The following PARD3B variants were observed in gnomAD, a reference collection of about 807,000 sequenced individuals.
PARD3B encodes par-3 family cell polarity regulator beta, also known as partitioning defective 3 homolog B.
In PARD3B, 103 loss-of-function variants were observed where a neutral mutation model predicts 130.2. That is an observed-to-expected ratio of 0.79 (90% CI 0.67 to 0.93). The LOEUF (loss-of-function observed/expected upper bound fraction) is 0.93, where lower values mean the gene tolerates loss of function less well. PARD3B is among the 40% of genes least tolerant of loss of function. The pLI is 0.00. For missense variants in PARD3B, 1,609 were observed against 1,499.2 expected (o/e 1.07, Z -1.21); for synonymous variants, 583 against 553.2 (o/e 1.05, Z -0.76).
At chr2:204,872,216 G>T (rs2045655031) in intron 2 of PARD3B, among the ~76,000 whole-genome samples, 2 of 151,724 alleles carry the variant, frequency 1.3e-5, no homozygotes, top group African/African-American at 4.8e-5. Context: ...ATTGTTTTAG[G>T]ACTTATCTGC....
chr2:204,792,633 C>T (rs1313450030), intron 2 of PARD3B, among the ~76,000 whole-genome samples: 1 of 152,062 alleles, frequency 6.6e-6, no homozygotes, highest in Admixed American at 6.6e-5. Context: ...GTCCATTCTT[C>T]AGATTTCAAC....
intron 4 of PARD3B, among the ~76,000 whole-genome samples, chr2:205,075,407 A>T (rs1700981708): frequency 2.0e-5 from 3 of 152,102 alleles, no homozygotes; most frequent in Admixed American, 6.5e-5. Context: ...CCCGTATGAA[A>T]ATTATGTTTA....
At chr2:205,114,125 A>T (rs1421974506) in intron 6 of PARD3B, among the ~76,000 whole-genome samples, 1 of 152,144 alleles carries the variant, frequency 6.6e-6, no homozygotes, top group Non-Finnish European at 1.5e-5. Flanking sequence ...ATAATTTACC[A>T]CATCCTTTTG....
chr2:204,700,377 A>T (rs913052631), intron 2 of PARD3B, among the ~76,000 whole-genome samples: 4 of 152,122 alleles, frequency 2.6e-5, no homozygotes. Context: ...AATTTTGTAC[A>T]GTGAAAATAA....
chr2:204,587,264 G>A (rs73057286), intron 1 of PARD3B, among the ~76,000 whole-genome samples: 15,631 of 152,132 alleles, frequency 0.1, 906 homozygotes, highest in South Asian at 0.21. Flanking sequence ...TTTACAGGAC[G>A]TAAGAAAGAT....
chr2:205,133,719 G>T (rs2032224656), intron 10 of PARD3B, among the ~76,000 whole-genome samples: 1 of 152,118 alleles, frequency 6.6e-6, no homozygotes, highest in Admixed American at 6.5e-5. Flanking sequence ...CCCTCATTTT[G>T]GCAAAGGGCC....
At chr2:205,477,461 T>A (rs143932040) in intron 20 of PARD3B, among the ~76,000 whole-genome samples, 3 of 152,284 alleles carry the variant, frequency 2.0e-5, no homozygotes, top group Non-Finnish European at 4.4e-5. Flanking sequence ...AGTGTGCAGT[T>A]GTGGAATATG....
chr2:205,427,801 A>C (rs1426018624), intron 19 of PARD3B, among the ~76,000 whole-genome samples: 3 of 152,226 alleles, frequency 2.0e-5, no homozygotes, highest in Non-Finnish European at 4.4e-5. Flanking sequence ...TTGGTTGCAT[A>C]GCCATTCAGG....
At chr2:204,953,416 CACACAGAGAGAGAGAGAG>C (rs986840230) in intron 2 of PARD3B, among the ~76,000 whole-genome samples, 4 of 100,912 alleles carry the variant, frequency 4.0e-5, no homozygotes, top group African/African-American at 1.8e-4. Context: ...AACATACACA[CACACAGAGAGAGAGAGAG>C]AGAGAGAGAG....
intron 20 of PARD3B, among the ~76,000 whole-genome samples, chr2:205,447,685 A>G (rs992352898): frequency 6.6e-6 from 1 of 152,172 alleles, no homozygotes; most frequent in Non-Finnish European, 1.5e-5. Flanking sequence ...CTGATTTAAC[A>G]GTATCTTAAA....
intron 2 of PARD3B, among the ~76,000 whole-genome samples, chr2:204,923,428 G>C (rs1012958459): frequency 6.6e-6 from 1 of 151,832 alleles, no homozygotes; most frequent in Non-Finnish European, 1.5e-5. Flanking sequence ...AAAATAAATT[G>C]CATTAATAGC....
At chr2:205,417,341 T>A (rs1248773180) in intron 19 of PARD3B, among the ~76,000 whole-genome samples, 1 of 152,178 alleles carries the variant, frequency 6.6e-6, no homozygotes, top group East Asian at 1.9e-4. Context: ...GATGGACATT[T>A]GGGTTGGTTC....
intron 22 of PARD3B, among the ~76,000 whole-genome samples, chr2:205,561,133 C>A (rs1487302021): frequency 6.6e-6 from 1 of 152,096 alleles, no homozygotes; most frequent in African/African-American, 2.4e-5. Context: ...CCTCAACATC[C>A]TTTTCTGTCA....
chr2:204,693,221 T>G (rs1017544390), intron 2 of PARD3B, among the ~76,000 whole-genome samples: 1 of 152,064 alleles, frequency 6.6e-6, no homozygotes, highest in Non-Finnish European at 1.5e-5. Context: ...TATGTTTGTT[T>G]TTGTCTTTGA....
rs768825827 is a variant in PARD3B at position 205,158,574 on chromosome 2, C to A, written c.1435-148C>A. 9.2e-5 allele frequency: 71 copies of A among 769,272 alleles called. No homozygotes were observed. The highest frequency in any genetic ancestry group is 1.4e-4 in the Non-Finnish European group (65 of 477,112). 47.7% of individuals were successfully genotyped at this position (769,272 alleles called of 1,614,324 possible). A position where few individuals can be genotyped will look rare whatever the true frequency, so the allele number is the denominator to read the frequency against. On this transcript the variant is annotated intron_variant, in intron 10 of 22. Coordinates refer to ENST00000406610, the MANE Select transcript of PARD3B (RefSeq NM_001302769.2). The surrounding 1 kb of genome is among the most constrained non-coding windows in gnomAD (Gnocchi z 5.4). Reference sequence around the variant, plus strand: ...TGTGGCTCCTTGTGGAGAGCTAAACCCAGCCTTTGCCTGCCAGGAGCCGAT... The same window carrying A: ...TGTGGCTCCTTGTGGAGAGCTAAACACAGCCTTTGCCTGCCAGGAGCCGAT...
intron 15 of PARD3B, among the ~76,000 whole-genome samples, chr2:205,237,420 A>G (rs984848458): frequency 6.6e-6 from 1 of 152,016 alleles, no homozygotes; most frequent in Non-Finnish European, 1.5e-5. Flanking sequence ...CCTTACACAT[A>G]TTGGTATTTT....
chr2:204,709,877 A>G (rs973494779), intron 2 of PARD3B, among the ~76,000 whole-genome samples: 1 of 152,206 alleles, frequency 6.6e-6, no homozygotes, highest in African/African-American at 2.4e-5. Context: ...ATTAACTTTA[A>G]AGGACTTTAA....
In PARD3B at chr2:205,105,459, C is replaced by G. The variant is rs181629488; in HGVS notation, c.593+945C>G. ...CTACTGAAGTTTATAATTATTCATGCAGTTGACGTATTCCTTTCATTTAGT... is the reference window on the plus strand; with the variant it reads ...CTACTGAAGTTTATAATTATTCATGGAGTTGACGTATTCCTTTCATTTAGT... On this transcript the variant is annotated intron_variant, in intron 5 of 22. Transcript: ENST00000406610. This position sits in a 1 kb window ranked among gnomAD's most constrained non-coding sequence, Gnocchi z 4.0. Among the ~76,000 whole-genome samples the G allele has an allele frequency of 3.0e-4, 46 of 152,272 alleles. No individual in the cohort carries two copies. The highest frequency in any genetic ancestry group is 1.1e-3 in the African/African-American group (44 of 41,550).
At chr2:204,849,600 A>T (rs2044624224) in intron 2 of PARD3B, among the ~76,000 whole-genome samples, 1 of 152,216 alleles carries the variant, frequency 6.6e-6, no homozygotes. Flanking sequence ...AATTTGCATA[A>T]TCTTTAAAAG....
Sources: gnomAD v4.1 joint callset for allele counts (sites outside exome capture counted in the v4.1 genomes callset) on GRCh38, gnomAD v4.1.1 for gene constraint, Gnocchi (gnomAD v3.1) non-coding constraint, MANE v1.5 for transcripts, NCBI Gene and HGNC (gene_info 2026-07-23, HGNC 2026-07-21) for gene names.